Variants in FAM240B observed in about 807,000 individuals in gnomAD.
The protein encoded by FAM240B is protein FAM240B.
intron 1 of FAM240B, among the ~76,000 whole-genome samples, chr9:38,713,347 G>A (rs955442316): frequency 2.0e-5 from 3 of 151,916 alleles, no homozygotes; most frequent in Admixed American, 1.3e-4. Context: ...GCATGGTGGC[G>A]AGCGCCTGTA....
At chr9:38,699,941 C>A (rs537697534) in intron 2 of FAM240B, among the ~76,000 whole-genome samples, 31 of 152,338 alleles carry the variant, frequency 2.0e-4, no homozygotes, top group Admixed American at 5.2e-4. Context: ...TACACCTACT[C>A]CATTCTCGTA....
At chr9:38,715,305 T>A (rs996965025) in intron 1 of FAM240B, among the ~76,000 whole-genome samples, 1 of 152,228 alleles carries the variant, frequency 6.6e-6, no homozygotes, top group African/African-American at 2.4e-5. Flanking sequence ...TGTTTTCTCA[T>A]CTGTAAAATG....
chr9:38,708,327 T>C (rs138500410), intron 1 of FAM240B, among the ~76,000 whole-genome samples: 28 of 152,294 alleles, frequency 1.8e-4, no homozygotes, highest in Admixed American at 6.5e-4. Flanking sequence ...CCTATCCTGC[T>C]TCTGCACCCA....
At chr9:38,696,686 C>A (rs1348366084) in intron 2 of FAM240B, among the ~76,000 whole-genome samples, 2 of 152,002 alleles carry the variant, frequency 1.3e-5, no homozygotes, top group African/African-American at 4.8e-5. Context: ...TGGTGGCGGG[C>A]GCCTGTAATC....
chr9:38,710,023 G>A (rs913242632), intron 1 of FAM240B, among the ~76,000 whole-genome samples: 5 of 152,308 alleles, frequency 3.3e-5, no homozygotes, highest in South Asian at 2.1e-4. Flanking sequence ...AGGCTGGAGT[G>A]CAGTGGCTCG....
At chr9:38,715,178 T>G (rs917364939) in intron 1 of FAM240B, among the ~76,000 whole-genome samples, 1 of 152,196 alleles carries the variant, frequency 6.6e-6, no homozygotes, top group Non-Finnish European at 1.5e-5. Flanking sequence ...CACAAAGAGA[T>G]ATTCCGTCCT....
intron 2 of FAM240B, 124 bp from the exon 3 acceptor site, chr9:38,694,993 C>G (rs560012231): frequency 2.5e-6 from 1 of 395,038 alleles, no homozygotes; most frequent in Admixed American, 4.4e-5. Flanking sequence ...GTGTTCCCCT[C>G]CCTGTGTCCA....
intron 1 of FAM240B, among the ~76,000 whole-genome samples, chr9:38,707,982 C>T (rs568346950): frequency 1.3e-5 from 2 of 152,154 alleles, no homozygotes; most frequent in East Asian, 1.9e-4. Flanking sequence ...TGAACTCAGA[C>T]GTCTTCAGGG....
chr9:38,704,696 C>T (rs572987690), intron 1 of FAM240B, among the ~76,000 whole-genome samples: 16 of 152,290 alleles, frequency 1.1e-4, no homozygotes, highest in Admixed American at 9.1e-4. Flanking sequence ...TCTTTCCATC[C>T]TTCCTCACAG....
rs1015904802 is a variant in FAM240B at position 38,707,626 on chromosome 9, C to CA, written c.-3-3625dup. 4.2e-3 allele frequency among the ~76,000 whole-genome samples: 529 copies of CA among 124,598 alleles called. 5 individuals carry two copies. The highest frequency in any genetic ancestry group is 0.014 in the African/African-American group (466 of 32,326). The allele number at this position is 124,598 out of a possible 152,430, so 81.7% of individuals were successfully genotyped here. A position where few individuals can be genotyped will look rare whatever the true frequency, so the allele number is the denominator to read the frequency against. Reference sequence around the variant, plus strand: ...TACTAAAAAAAACAAAAAAAAAAAACAAAAAAAAAACCAAAAAATTAGCTG... The same window carrying CA: ...TACTAAAAAAAACAAAAAAAAAAAACAAAAAAAAAAACCAAAAAATTAGCTG... On this transcript the variant is annotated intron_variant, in intron 1 of 2. Coordinates refer to ENST00000637493, the MANE Select transcript of FAM240B (RefSeq NM_001394922.1).
chr9:38,706,693 C>A (rs963493632), intron 1 of FAM240B, among the ~76,000 whole-genome samples: 4 of 152,166 alleles, frequency 2.6e-5, no homozygotes, highest in Non-Finnish European at 5.9e-5. Context: ...CGCCGTGGAG[C>A]CTCTGGAATT....
rs11300800 is a variant in FAM240B at position 38,707,793 on chromosome 9, CAAA to C, written c.-3-3794_-3-3792del. 4.4e-3 allele frequency among the ~76,000 whole-genome samples: 483 copies of C among 109,362 alleles called. 1 individual carries two copies. Among genetic ancestry groups the C allele is most frequent in the African/African-American group, 0.015 (414 of 28,440 alleles). 71.7% of individuals were successfully genotyped at this position (109,362 alleles called of 152,430 possible). A position where few individuals can be genotyped will look rare whatever the true frequency, so the allele number is the denominator to read the frequency against. On this transcript the variant is annotated intron_variant, in intron 1 of 2. Transcript: ENST00000637493. ...TGAGCAACAGAGCAAGACTCGGTCT[CAAA>C]AAAAAAAAAAAAAAAATTAGGGTGA...
At chr9:38,714,693 C>T (rs1028541007) in intron 1 of FAM240B, among the ~76,000 whole-genome samples, 1 of 152,240 alleles carries the variant, frequency 6.6e-6, no homozygotes, top group Non-Finnish European at 1.5e-5. Flanking sequence ...CATGAGAAAA[C>T]TGAAGACTAG....
rs975581915 is a variant in FAM240B, at chr9:38,709,630, G to A, written c.-3-5628C>T. 2.0e-5 allele frequency among the ~76,000 whole-genome samples: 3 copies of A among 152,158 alleles called. No homozygotes were observed. The East Asian group carries it at 5.8e-4, about 29-fold the overall frequency. On this transcript the variant is annotated intron_variant, in intron 1 of 2. Coordinates refer to ENST00000637493, the MANE Select transcript of FAM240B (RefSeq NM_001394922.1). ...GTTCTCTCTGTGTGGTCGGGAAGAA[G>A]GGAAAGCCGCTGTGATCTCCTGTGG...
intron 1 of FAM240B, among the ~76,000 whole-genome samples, chr9:38,709,774 GCT>G (rs1821230765): frequency 6.6e-6 from 1 of 152,162 alleles, no homozygotes; most frequent in South Asian, 2.1e-4. Flanking sequence ...GTAAGATTAA[GCT>G]CCTATTTTTT....
chr9:38,717,386 C>G (rs943505013), intron 1 of FAM240B, among the ~76,000 whole-genome samples: 1 of 152,052 alleles, frequency 6.6e-6, no homozygotes, highest in Non-Finnish European at 1.5e-5. Flanking sequence ...CGAGACCATC[C>G]TGGCCAACAG....
chr9:38,698,443 TA>T (rs1236611657), intron 2 of FAM240B, among the ~76,000 whole-genome samples: 2 of 152,216 alleles, frequency 1.3e-5, no homozygotes, highest in Non-Finnish European at 2.9e-5. Context: ...CAGGTGACTA[TA>T]TGGGATTTAT....
At chr9:38,695,791 GA>G (rs1821062405) in intron 2 of FAM240B, among the ~76,000 whole-genome samples, 2 of 152,180 alleles carry the variant, frequency 1.3e-5, no homozygotes, top group African/African-American at 2.4e-5. Flanking sequence ...CACACTACCT[GA>G]TTTGAAGCTT....
At chr9:38,713,668 T>G (rs1481664927) in intron 1 of FAM240B, among the ~76,000 whole-genome samples, 1 of 152,102 alleles carries the variant, frequency 6.6e-6, no homozygotes, top group Non-Finnish European at 1.5e-5. Flanking sequence ...AGAAGATGAC[T>G]GTGTTCTTGG....
Sources: allele counts gnomAD v4.1 joint callset (sites outside exome capture counted in the v4.1 genomes callset), GRCh38; gene constraint gnomAD v4.1.1; transcripts MANE v1.5; gene names NCBI Gene and HGNC (gene_info 2026-07-23, HGNC 2026-07-21).